Variants in FASTKD1 observed in about 807,000 individuals in gnomAD.
FASTKD1 encodes the protein FAST kinase domain-containing protein 1, mitochondrial.
In FASTKD1, 94 loss-of-function variants were observed where a neutral mutation model predicts 90.9. The observed-to-expected ratio is 1.03, with a 90% CI of 0.88 to 1.23. The LOEUF (loss-of-function observed/expected upper bound fraction) is 1.23, where lower values mean the gene tolerates loss of function less well. FASTKD1 is among the 50% of genes most tolerant of loss of function. The pLI, the probability that FASTKD1 is intolerant of heterozygous loss-of-function variation, is 0.00. For missense variants in FASTKD1, 945 were observed against 993.5 expected (o/e 0.95, Z 0.66); for synonymous variants, 319 against 345.8 (o/e 0.92, Z 0.86).
At position 169,546,382 on chromosome 2, in the gene FASTKD1, G is replaced by A. The variant is rs1312070090; in HGVS notation, c.1537C>T (p.Pro513Ser). 1.9e-6 allele frequency: 3 copies of A among 1,613,984 alleles called. No homozygotes were observed. The highest frequency in any genetic ancestry group is 1.6e-4 in the Middle Eastern group (1 of 6,082). Reference protein sequence around the residue: ...ELKSLKGNTFPESLLEEMIAT... With the variant: ...ELKSLKGNTFSESLLEEMIAT... Reference sequence around the variant, plus strand: ...ATCATTTCTTCAAGAAGTGACTCAGGAAACGTGTTTCCTTTGAGAGATTTA... The same window carrying A: ...ATCATTTCTTCAAGAAGTGACTCAGAAAACGTGTTTCCTTTGAGAGATTTA... Residue 513 changes from proline (P) to serine (S), a missense_variant, in exon 8 of 15, where the codon CCT becomes TCT. Transcript: ENST00000453153.
intron 7 of FASTKD1, among the ~76,000 whole-genome samples, chr2:169,549,170 G>A (rs912936033): frequency 3.9e-5 from 6 of 151,990 alleles, no homozygotes; most frequent in African/African-American, 9.7e-5. Flanking sequence ...CGAGGTGGGC[G>A]GATTACCTGA....
In FASTKD1 at chr2:169,555,158, C is replaced by A. The variant is rs746061326; in HGVS notation, c.1180G>T (p.Glu394Ter). ...AATTCTCTAAGTTTCGCAAAAAACT[C>A]CTTCCTTTGGAAATGCAGAAAAGTT... ...ELTFLHFQRK[E>*]FFAKLRELLL... The change falls in exon 7 of 15, where the codon GAG becomes TAG. Residue 394 changes from glutamate (E) to a stop codon, truncating the protein, a stop_gained. Coordinates refer to ENST00000453153, the MANE Select transcript of FASTKD1 (RefSeq NM_024622.6). LOFTEE classifies it high-confidence loss of function. 1.9e-6 allele frequency: 3 copies of A among 1,612,608 alleles called. No individual in the cohort carries two copies. Among genetic ancestry groups the A allele is most frequent in the Middle Eastern group, 1.7e-4 (1 of 6,060 alleles).
chr2:169,550,148 C>T (rs1278863564), intron 7 of FASTKD1, among the ~76,000 whole-genome samples: 1 of 151,568 alleles, frequency 6.6e-6, no homozygotes, highest in Non-Finnish European at 1.5e-5. Context: ...AGCTGGGATA[C>T]AGGTGCACAC....
At chr2:169,538,624 A>G (rs963552278) in intron 10 of FASTKD1, among the ~76,000 whole-genome samples, 1 of 148,028 alleles carries the variant, frequency 6.8e-6, no homozygotes, top group Admixed American at 7.0e-5. Flanking sequence ...TTGGGTAACC[A>G]AGATCATGCC....
chr2:169,537,358 T>C lies in FASTKD1; in HGVS notation c.2075-18A>G. The C allele has an allele frequency of 6.9e-7, 1 of 1,442,454 alleles. No homozygotes were observed. The highest frequency in any genetic ancestry group is 9.6e-7 in the Non-Finnish European group (1 of 1,041,162). The allele number at this position is 1,442,454 out of a possible 1,614,324, so 89.4% of individuals were successfully genotyped here. On this transcript the variant is annotated intron_variant, in intron 11 of 14. Coordinates refer to ENST00000453153, the MANE Select transcript of FASTKD1 (RefSeq NM_024622.6). ...ACCAATACCTTTATAAAAAAATAAA[T>C]AATTAGTCTACTTAATCTTTTTTTT...
intron 3 of FASTKD1, among the ~76,000 whole-genome samples, chr2:169,567,460 G>A (rs1027520935): frequency 6.6e-6 from 1 of 152,150 alleles, no homozygotes; most frequent in African/African-American, 2.4e-5. Flanking sequence ...CTTATAGGTA[G>A]AGAGTATAAA....
At chr2:169,553,037 T>C (rs1406983515) in intron 7 of FASTKD1, among the ~76,000 whole-genome samples, 1 of 151,754 alleles carries the variant, frequency 6.6e-6, no homozygotes, top group Non-Finnish European at 1.5e-5. Flanking sequence ...TGAAACCTAG[T>C]CTCTACCAAA....
At chr2:169,569,013 A>AAC (rs1559162128) in intron 3 of FASTKD1, among the ~76,000 whole-genome samples, 171 bp downstream of exon 3, 6 of 149,940 alleles carry the variant, frequency 4.0e-5, no homozygotes, top group African/African-American at 4.9e-5. Context: ...AAAAAAAAAA[A>AAC]AACAACAACA....
At chr2:169,547,817 G>A (rs1482869501) in intron 7 of FASTKD1, among the ~76,000 whole-genome samples, 1 of 144,062 alleles carries the variant, frequency 6.9e-6, no homozygotes, top group African/African-American at 2.6e-5. Flanking sequence ...CCAGGGAGGT[G>A]GAGGTTGCAG....
chr2:169,553,828 A>G (rs1383160320), intron 7 of FASTKD1, among the ~76,000 whole-genome samples: 1 of 152,080 alleles, frequency 6.6e-6, no homozygotes, highest in African/African-American at 2.4e-5. Flanking sequence ...AGGCTGAGGC[A>G]GGAGAATGGC....
rs920960669 is a variant in FASTKD1, at chr2:169,555,270, G to A, written c.1083-15C>T. The A allele has an allele frequency of 5.6e-6, 9 of 1,595,996 alleles. No individual in the cohort carries two copies. In the Admixed American group the frequency reaches 1.2e-4, roughly 22 times the overall value. On this transcript the variant is annotated splice_polypyrimidine_tract_variant and intron_variant, in intron 6 of 14. Coordinates refer to ENST00000453153, the MANE Select transcript of FASTKD1 (RefSeq NM_024622.6). ...CTGAAGTAACTCTAAAAAGGATAGA[G>A]CATATATTATAACCAGTTCATTCAT... is the stretch of plus-strand genomic sequence containing the variant.
chr2:169,562,012 T>C (rs1183759548), intron 4 of FASTKD1, among the ~76,000 whole-genome samples: 2 of 116,602 alleles, frequency 1.7e-5, no homozygotes, highest in East Asian at 4.9e-4. Context: ...TTCATTAATT[T>C]ATTGTAAATT....
Position 169,558,527 on chromosome 2 carries a change from G to A in FASTKD1, c.972-1230C>T, listed in dbSNP as rs576967278. On this transcript the variant is annotated intron_variant, in intron 5 of 14. Transcript: ENST00000453153. ...TGCAATGGCGCAATCCTGGCTCACT[G>A]CAACCTCAGTCTCCCAGGTTCAAGC... Among the ~76,000 whole-genome samples, 8 of 152,250 alleles carry A rather than the reference G, an allele frequency of 5.3e-5. No homozygotes were observed. The South Asian group carries it at 1.0e-3, about 20-fold the overall frequency.
At chr2:169,547,398 G>A (rs58519137) in intron 7 of FASTKD1, among the ~76,000 whole-genome samples, 5,991 of 152,122 alleles carry the variant, frequency 0.039, 406 homozygotes, top group African/African-American at 0.14. Flanking sequence ...TCAGGGGAGC[G>A]TCTTAAGACC....
chr2:169,543,812 G>GAA (rs1043650096), intron 9 of FASTKD1, among the ~76,000 whole-genome samples: 6 of 125,204 alleles, frequency 4.8e-5, no homozygotes, highest in Admixed American at 4.7e-4. Flanking sequence ...AAAAAGTTAA[G>GAA]AAAAAAAAAA....
chr2:169,553,843 A>T (rs113553222), intron 7 of FASTKD1, among the ~76,000 whole-genome samples: 1 of 151,808 alleles, frequency 6.6e-6, no homozygotes, highest in South Asian at 2.1e-4. Context: ...AATGGCGTGA[A>T]CCCGGGTGGC....
Position 169,546,230 on chromosome 2 carries a change from C to T in FASTKD1, c.1689G>A (p.Gln563=). Residue 563 remains glutamine, a synonymous_variant, in exon 8 of 15, where the codon CAG becomes CAA. Transcript: ENST00000453153. ...LLDRIASVAV[Q]QIEKIHPFTI... ...ATTTAAATTTCACCTTTTCAATCTG[C>T]TGAACAGCCACTGAGGCTATCCTAT... The T allele has an allele frequency of 6.4e-7, 1 of 1,565,210 alleles. No homozygotes were observed. The highest frequency in any genetic ancestry group is 8.7e-7 in the Non-Finnish European group (1 of 1,155,632).
chr2:169,533,860 A>T (rs1187582152), intron 12 of FASTKD1, among the ~76,000 whole-genome samples: 2 of 152,248 alleles, frequency 1.3e-5, no homozygotes, highest in East Asian at 3.9e-4. Context: ...CATAATCATC[A>T]ATGTGTTAAT....
chr2:169,545,610 G>C (rs745477888), intron 8 of FASTKD1, among the ~76,000 whole-genome samples: 5 of 152,204 alleles, frequency 3.3e-5, no homozygotes, highest in Non-Finnish European at 1.5e-5. Flanking sequence ...AAATCTGCAA[G>C]AAGATGCAAT....
Sources: gnomAD v4.1 joint callset for allele counts (sites outside exome capture counted in the v4.1 genomes callset) on GRCh38, gnomAD v4.1.1 for gene constraint, MANE v1.5 for transcripts, NCBI Gene and HGNC (gene_info 2026-07-23, HGNC 2026-07-21) for gene names.